Variants in ANKS1B observed in about 807,000 individuals in gnomAD.
The protein encoded by ANKS1B is ankyrin repeat and sterile alpha motif domain containing 1B.
In ANKS1B, 36 loss-of-function variants were observed where a neutral mutation model predicts 148.3. The ratio of observed to expected loss-of-function variants is 0.24; its 90% CI spans 0.19 to 0.32. The LOEUF is 0.32. Among genes scored for constraint, ANKS1B ranks in the 10% least tolerant of loss-of-function variants. The pLI, the probability that ANKS1B is intolerant of heterozygous loss-of-function variation, is 1.00. For synonymous variants in ANKS1B, 542 were observed against 560.8 expected (o/e 0.97, Z 0.47); for missense variants, 1,157 against 1,542.6 (o/e 0.75, Z 4.19).
chr12:98,991,814 A>G (rs968245966), intron 17 of ANKS1B, among the ~76,000 whole-genome samples: 1 of 152,214 alleles, frequency 6.6e-6, no homozygotes, highest in African/African-American at 2.4e-5. Flanking sequence ...TCAAACACTC[A>G]TCTTTACTGG....
chr12:99,547,793 GTTTTA>G (rs2097184564), intron 9 of ANKS1B, among the ~76,000 whole-genome samples: 1 of 152,132 alleles, frequency 6.6e-6, no homozygotes, highest in Non-Finnish European at 1.5e-5. Context: ...CATCAGGTAT[GTTTTA>G]TTTTCTTTTT....
intron 12 of ANKS1B, among the ~76,000 whole-genome samples, chr12:99,330,999 G>A (rs530845092): frequency 4.6e-5 from 7 of 151,880 alleles, no homozygotes; most frequent in Non-Finnish European, 7.4e-5. Context: ...ATTCGAGGGT[G>A]GTTATTTAAA....
At chr12:99,278,095 A>G (rs558536534) in intron 12 of ANKS1B, among the ~76,000 whole-genome samples, 111 of 152,336 alleles carry the variant, frequency 7.3e-4, no homozygotes, top group African/African-American at 2.6e-3. Context: ...CTTCCACAGA[A>G]TGGAGCCGCT....
At chr12:99,168,070 G>A (rs2153834772) in intron 14 of ANKS1B, among the ~76,000 whole-genome samples, 1 of 152,274 alleles carries the variant, frequency 6.6e-6, no homozygotes, top group South Asian at 2.1e-4. Context: ...ATTACAAAGG[G>A]GCAAAAGGAA....
At chr12:99,724,600 G>C (rs2058433183) in intron 8 of ANKS1B, among the ~76,000 whole-genome samples, 1 of 152,192 alleles carries the variant, frequency 6.6e-6, no homozygotes, top group Non-Finnish European at 1.5e-5. Flanking sequence ...TTATCTAGGA[G>C]AATGTTGCCA....
chr12:99,052,954 T>A (rs1212715286), intron 17 of ANKS1B, among the ~76,000 whole-genome samples: 1 of 152,100 alleles, frequency 6.6e-6, no homozygotes, highest in African/African-American at 2.4e-5. Flanking sequence ...CAAAATACCC[T>A]GGGAGTTCTC....
chr12:99,270,664 T>A (rs2076938874), intron 12 of ANKS1B, among the ~76,000 whole-genome samples: 1 of 152,154 alleles, frequency 6.6e-6, no homozygotes, highest in African/African-American at 2.4e-5. Flanking sequence ...TTCCTTAATA[T>A]CAGCCTCATC....
At chr12:99,660,307 A>G (rs1342654786) in intron 8 of ANKS1B, among the ~76,000 whole-genome samples, 3 of 151,684 alleles carry the variant, frequency 2.0e-5, no homozygotes, top group East Asian at 1.9e-4. Flanking sequence ...AAATTCATAA[A>G]TGAGAAATTG....
At chr12:98,791,042 G>A (rs993247563) in intron 22 of ANKS1B, among the ~76,000 whole-genome samples, 4 of 152,118 alleles carry the variant, frequency 2.6e-5, no homozygotes, top group Non-Finnish European at 5.9e-5. Context: ...GAGTAGGCCC[G>A]TAAGAAAACA....
intron 1 of ANKS1B, among the ~76,000 whole-genome samples, chr12:99,843,058 T>A (rs1218904727): frequency 6.6e-6 from 1 of 152,108 alleles, no homozygotes; most frequent in Admixed American, 6.6e-5. Context: ...AGTTTGTTTG[T>A]TTGTATTAAG....
intron 4 of ANKS1B, among the ~76,000 whole-genome samples, chr12:99,787,770 C>G (rs2065165574): frequency 6.6e-6 from 1 of 152,222 alleles, no homozygotes; most frequent in African/African-American, 2.4e-5. Flanking sequence ...CTCTCCCATT[C>G]CATGGCAGTG....
intron 14 of ANKS1B, among the ~76,000 whole-genome samples, chr12:99,168,613 G>A (rs1415520584): frequency 6.6e-6 from 1 of 151,958 alleles, no homozygotes; most frequent in Non-Finnish European, 1.5e-5. Context: ...AGAATAATCA[G>A]AGAATGACTC....
Position 99,937,047 on chromosome 12 carries a change from C to T in ANKS1B, c.134+47057G>A, listed in dbSNP as rs181932418. The stretch of plus-strand genomic sequence containing the variant: ...TATGGGACATCCCTTAACCTTAGGC[C>T]TAGTCAGCTTTGTTGAACCTGTTAT... On this transcript the variant is annotated intron_variant, in intron 1 of 26. Transcript: ENST00000683438. Among the ~76,000 whole-genome samples, 3 of 152,246 alleles carry T rather than the reference C, an allele frequency of 2.0e-5. No homozygotes were observed. The East Asian group carries it at 5.8e-4, about 29-fold the overall frequency.
chr12:99,851,629 G>A (rs2087858483), intron 1 of ANKS1B, among the ~76,000 whole-genome samples: 1 of 151,978 alleles, frequency 6.6e-6, no homozygotes, highest in Admixed American at 6.6e-5. Context: ...TTCTAAAGGT[G>A]TCACAAAGAA....
intron 17 of ANKS1B, among the ~76,000 whole-genome samples, chr12:98,899,485 T>C (rs2099769187): frequency 6.6e-6 from 1 of 152,244 alleles, no homozygotes; most frequent in Non-Finnish European, 1.5e-5. Flanking sequence ...TATAGTCAGT[T>C]GACTTTAACT....
At chr12:99,563,185 C>CTTTT (rs1398741868) in intron 9 of ANKS1B, among the ~76,000 whole-genome samples, 2 of 152,134 alleles carry the variant, frequency 1.3e-5, no homozygotes, top group Non-Finnish European at 2.9e-5. Flanking sequence ...CCTTGCTTAT[C>CTTTT]TTTTGTGTGT....
chr12:99,781,365 T>C (rs1473563723), intron 5 of ANKS1B, among the ~76,000 whole-genome samples: 1 of 152,146 alleles, frequency 6.6e-6, no homozygotes, highest in Non-Finnish European at 1.5e-5. Context: ...AAAAATTCCA[T>C]CAGTTGTTTA....
intron 11 of ANKS1B, among the ~76,000 whole-genome samples, chr12:99,407,173 A>G (rs968399239): frequency 6.8e-6 from 1 of 146,038 alleles, no homozygotes; most frequent in African/African-American, 2.6e-5. Flanking sequence ...TAAAAAGGCC[A>G]TTCATTATGA....
chr12:99,921,072 G>C (rs2094336743), intron 1 of ANKS1B, among the ~76,000 whole-genome samples: 1 of 152,080 alleles, frequency 6.6e-6, no homozygotes, highest in Admixed American at 6.6e-5. Flanking sequence ...TCTATCAGAG[G>C]CTTCAGTGGA....
Sources: allele counts gnomAD v4.1 joint callset (sites outside exome capture counted in the v4.1 genomes callset), GRCh38; gene constraint gnomAD v4.1.1; transcripts MANE v1.5; gene names NCBI Gene and HGNC (gene_info 2026-07-23, HGNC 2026-07-21).